Variants in CEP128 observed in about 807,000 individuals in gnomAD.
CEP128 encodes the protein centrosomal protein 128kDa.
A neutral mutation model predicts 156.7 loss-of-function variants in CEP128; 132 were observed. The ratio of observed to expected loss-of-function variants is 0.84; its 90% confidence interval spans 0.73 to 0.97. The LOEUF (loss-of-function observed/expected upper bound fraction) is 0.97. CEP128 is among the 50% of genes least tolerant of loss of function. The pLI, the probability that CEP128 is intolerant of heterozygous loss-of-function variation, is 0.00. For missense variants in CEP128, 1,252 were observed against 1,281.9 expected, an observed-to-expected ratio of 0.98 and a Z score of 0.36; for synonymous variants, 469 against 448.9, an observed-to-expected ratio of 1.04 and a Z score of -0.57.
intron 19 of CEP128, among the ~76,000 whole-genome samples, chr14:80,664,275 A>G (rs145769788): frequency 1.1e-3 from 163 of 152,314 alleles, no homozygotes; most frequent in Middle Eastern, 3.4e-3. Flanking sequence ...AGCGGGTGTC[A>G]GAAGCAATAG....
chr14:80,574,765 G>C lies in CEP128; in HGVS notation c.2856+5609C>G, dbSNP rs562059213. On this transcript the variant is annotated intron_variant, in intron 20 of 24. Transcript: ENST00000555265. The stretch of plus-strand genomic sequence containing the variant: ...AAGTAGCTGAAATAAATAATGGCTG[G>C]GGAAGAGATTATTTTCCCCTTACTG... Among the ~76,000 whole-genome samples the C allele has an allele frequency of 2.6e-5, 4 of 152,140 alleles. No individual in the cohort carries two copies. The South Asian group carries it at 8.3e-4, about 32-fold the overall frequency.
intron 2 of CEP128, among the ~76,000 whole-genome samples, chr14:80,927,665 C>G (rs957910123): frequency 3.3e-5 from 5 of 152,120 alleles, no homozygotes; most frequent in Non-Finnish European, 7.4e-5. Flanking sequence ...CCTTGCCCAC[C>G]AAAAAGACCT....
intron 19 of CEP128, among the ~76,000 whole-genome samples, chr14:80,651,648 T>C (rs1433994887): frequency 6.6e-6 from 1 of 152,174 alleles, no homozygotes; most frequent in Non-Finnish European, 1.5e-5. Flanking sequence ...AATAACTTAA[T>C]TATTTCTGCC....
Position 80,648,232 on chromosome 14 carries a change from A to G in CEP128, c.2807-67809T>C, listed in dbSNP as rs1372034900. ...GGAGTTTAAGCAAAAGTATCTTTCT[A>G]CCTCTTTTCTGGGGATCTTTGATTA... On this transcript the variant is annotated intron_variant, in intron 19 of 24. Coordinates refer to ENST00000555265, the MANE Select transcript of CEP128 (RefSeq NM_152446.5). 2.0e-5 allele frequency among the ~76,000 whole-genome samples: 3 copies of G among 151,918 alleles called. No homozygotes were observed. In the East Asian group the frequency reaches 5.8e-4, roughly 29 times the overall value.
chr14:80,810,963 AGT>A (rs1321054290), intron 13 of CEP128, among the ~76,000 whole-genome samples: 2 of 151,932 alleles, frequency 1.3e-5, no homozygotes, highest in East Asian at 3.9e-4. Flanking sequence ...CACAGACCCC[AGT>A]GTGTGTTGTT....
At chr14:80,569,235 A>G (rs1394651040) in intron 20 of CEP128, among the ~76,000 whole-genome samples, 1 of 152,226 alleles carries the variant, frequency 6.6e-6, no homozygotes, top group Non-Finnish European at 1.5e-5. Flanking sequence ...GGTCCCCCAA[A>G]TAATTCCTTA....
chr14:80,945,858 T>C (rs1261036412), upstream of CEP128: 1 of 152,234 alleles, frequency 6.6e-6, no homozygotes, highest in Non-Finnish European at 1.5e-5. Flanking sequence ...CAGCCCCCGT[T>C]CCTGACAACT....
In CEP128 at chr14:80,904,898, T is replaced by C. The variant is rs1322622317; in HGVS notation, c.395A>G (p.Lys132Arg). 2 of 1,611,164 alleles carry C rather than the reference T, an allele frequency of 1.2e-6. No homozygotes were observed. The highest frequency in any genetic ancestry group is 1.7e-6 in the Non-Finnish European group (2 of 1,177,370). ...LHHFPPTSPL[K>R]DYGDPQGIKR... ...AATACCCTGTGGATCCCCATAGTCCTTGAGAGGTGAGGTAGGTGGAAAATG... is the reference window on the plus strand; with the variant it reads ...AATACCCTGTGGATCCCCATAGTCCCTGAGAGGTGAGGTAGGTGGAAAATG... The change falls in exon 6 of 25, where the codon AAG becomes AGG. Residue 132 changes from lysine (K) to arginine (R), a missense_variant. Lys to Arg is a conservative substitution (Grantham distance 26, BLOSUM62 2). Transcript: ENST00000555265.
chr14:80,831,151 G>A lies in CEP128; in HGVS notation c.1201C>T (p.Gln401Ter). 3 of 1,613,818 alleles carry A rather than the reference G, an allele frequency of 1.9e-6. No homozygotes were observed. Among genetic ancestry groups the A allele is most frequent in the Non-Finnish European group, 2.5e-6 (3 of 1,179,838 alleles). The change falls in exon 13 of 25, where the codon CAA becomes TAA. Residue 401 changes from glutamine to a stop codon, truncating the protein, a stop_gained. Coordinates refer to ENST00000555265, the MANE Select transcript of CEP128 (RefSeq NM_152446.5). LOFTEE classifies it high-confidence loss of function. ...KDKEKAHLAS[Q>*]VENLTRELEN... ...AAAAAGAGCAAAGTCACCTCTACTTGTGATGCCAAATGTGCTTTCTCCTTG... is the reference window on the plus strand; with the variant it reads ...AAAAAGAGCAAAGTCACCTCTACTTATGATGCCAAATGTGCTTTCTCCTTG...
At chr14:80,622,473 TA>T (rs1424156628) in intron 19 of CEP128, among the ~76,000 whole-genome samples, 2 of 148,612 alleles carry the variant, frequency 1.3e-5, no homozygotes, top group Admixed American at 1.3e-4. Flanking sequence ...CTAATTAAAC[TA>T]AAGAGCTTCT....
intron 8 of CEP128, among the ~76,000 whole-genome samples, chr14:80,870,542 C>T (rs228124): frequency 0.41 from 61,971 of 151,738 alleles, 13,036 homozygotes; most frequent in South Asian, 0.51. Context: ...ATTCAACATC[C>T]TTTCATGATA....
chr14:80,518,023 C>T (rs1403677105), intron 23 of CEP128, among the ~76,000 whole-genome samples: 1 of 151,276 alleles, frequency 6.6e-6, no homozygotes, highest in South Asian at 2.1e-4. Context: ...CAGCTTGAGC[C>T]GTAACAAACA....
chr14:80,691,829 A>G (rs1432451957), intron 19 of CEP128, among the ~76,000 whole-genome samples: 1 of 152,250 alleles, frequency 6.6e-6, no homozygotes, highest in Non-Finnish European at 1.5e-5. Flanking sequence ...TTACTGAGAT[A>G]TATTAAAATT....
chr14:80,834,995 A>G (rs1385204395), intron 12 of CEP128, among the ~76,000 whole-genome samples: 1 of 152,156 alleles, frequency 6.6e-6, no homozygotes, highest in Non-Finnish European at 1.5e-5. Context: ...CAGGTCCCTC[A>G]TGAACGGCTT....
chr14:80,552,441 T>C (rs1163341710), intron 21 of CEP128, among the ~76,000 whole-genome samples: 3 of 152,342 alleles, frequency 2.0e-5, no homozygotes, highest in South Asian at 2.1e-4. Flanking sequence ...AGTTAGAACA[T>C]GCTGTAATTT....
At chr14:80,605,677 C>T (rs1892748135) in intron 19 of CEP128, among the ~76,000 whole-genome samples, 1 of 152,014 alleles carries the variant, frequency 6.6e-6, no homozygotes, top group Non-Finnish European at 1.5e-5. Flanking sequence ...AGATCACTTT[C>T]TTTCCTGTCA....
chr14:80,927,152 T>A (rs2371456), intron 2 of CEP128, among the ~76,000 whole-genome samples: 54,389 of 151,916 alleles, frequency 0.36, 10,137 homozygotes, highest in South Asian at 0.51. Context: ...ACTCCTAGGG[T>A]AAGGGGGCGT....
At chr14:80,897,801 A>G (rs1038629679) in intron 7 of CEP128, among the ~76,000 whole-genome samples, 4 of 152,070 alleles carry the variant, frequency 2.6e-5, no homozygotes, top group African/African-American at 7.2e-5. Flanking sequence ...TTCCTTTGTG[A>G]CAGGTTTCAC....
At chr14:80,514,928 C>T (rs1162584438) in intron 23 of CEP128, among the ~76,000 whole-genome samples, 1 of 152,144 alleles carries the variant, frequency 6.6e-6, no homozygotes, top group Non-Finnish European at 1.5e-5. Context: ...TCCCTGCAGC[C>T]ATGTCTGCAT....
Sources: allele counts gnomAD v4.1 joint callset (sites outside exome capture counted in the v4.1 genomes callset), GRCh38; gene constraint gnomAD v4.1.1; transcripts MANE v1.5; gene names NCBI Gene and HGNC (gene_info 2026-07-23, HGNC 2026-07-21).